HYDIN: variants seen among roughly 807,000 people sequenced by gnomAD.
HYDIN encodes axonemal central pair apparatus protein HYDIN.
Under a neutral mutation model 403.9 loss-of-function variants are expected in HYDIN, and 132 were observed. The ratio of observed to expected loss-of-function variants is 0.33; its 90% CI spans 0.28 to 0.38. HYDIN has a LOEUF of 0.38. Among genes scored for constraint, HYDIN ranks in the 10% least tolerant of loss-of-function variants. The pLI is 1.00. For synonymous variants in HYDIN, 1,202 were observed against 1,891.7 expected (o/e 0.64, Z 9.46); for missense variants, 2,827 against 5,009.5 (o/e 0.56, Z 13.15).
chr16:70,804,639 C>G lies in HYDIN; in HGVS notation c.*2941G>C, dbSNP rs188352701. Among the ~76,000 whole-genome samples the G allele has an allele frequency of 5.2e-3, 786 of 152,258 alleles. 6 individuals are homozygous for G. The highest frequency in any genetic ancestry group is 0.02 in the Middle Eastern group (6 of 294). On this transcript the variant is annotated 3_prime_UTR_variant, in exon 86 of 86. Coordinates refer to ENST00000393567, the MANE Select transcript of HYDIN (RefSeq NM_001270974.2). ...TCTCAAACGGAAAACTTAACGTTTC[C>G]TAATGTTCAAGTTGTTATCTCCAGA...
intron 15 of HYDIN, among the ~76,000 whole-genome samples, chr16:71,065,608 T>C (rs2082237686): frequency 6.6e-6 from 1 of 152,216 alleles, no homozygotes; most frequent in Non-Finnish European, 1.5e-5. Flanking sequence ...AGACTGACCT[T>C]ACTAAGTACA....
intron 5 of HYDIN, among the ~76,000 whole-genome samples, chr16:71,174,129 A>G (rs995139701): frequency 2.6e-5 from 4 of 152,220 alleles, no homozygotes; most frequent in Non-Finnish European, 5.9e-5. Flanking sequence ...TTATTTCAGT[A>G]GAACCTCAAA....
chr16:70,965,634 G>T (rs1452154767), intron 36 of HYDIN, among the ~76,000 whole-genome samples: 3 of 152,188 alleles, frequency 2.0e-5, no homozygotes, highest in African/African-American at 7.2e-5. Context: ...TCTACAACCT[G>T]ATTTATTGGT....
At chr16:71,163,403 G>A (rs1301000355) in intron 5 of HYDIN, among the ~76,000 whole-genome samples, 3 of 152,128 alleles carry the variant, frequency 2.0e-5, no homozygotes, top group African/African-American at 4.8e-5. Flanking sequence ...GATTACAGGC[G>A]TGAGCCACCG....
rs539763539 is a variant in HYDIN at position 70,990,373 on chromosome 16, C to CAACA, written c.3864+941_3864+944dup. On this transcript the variant is annotated intron_variant, in intron 25 of 85. Coordinates refer to ENST00000393567, the MANE Select transcript of HYDIN (RefSeq NM_001270974.2). Reference sequence around the variant, plus strand: ...TGGTACCACTTCACTCTGGCCTGGGCAACAGAGTGAGACTCTGCCTCAAAA... The same window carrying CAACA: ...TGGTACCACTTCACTCTGGCCTGGGCAACAAACAGAGTGAGACTCTGCCTCAAAA... 4.2e-4 allele frequency among the ~76,000 whole-genome samples: 43 copies of CAACA among 103,492 alleles called. 1 individual carries two copies. The South Asian group carries it at 0.018, about 43-fold the overall frequency. The allele number at this position is 103,492 out of a possible 152,430, so 67.9% of individuals were successfully genotyped here. A position where few individuals can be genotyped will look rare whatever the true frequency, so the allele number is the denominator to read the frequency against.
chr16:70,882,823 A>G lies in HYDIN; in HGVS notation c.10052T>C (p.Ile3351Thr), dbSNP rs781772930. The G allele has an allele frequency of 6.5e-7, 1 of 1,531,696 alleles. No homozygotes were observed. The highest frequency in any genetic ancestry group is 9.1e-7 in the Non-Finnish European group (1 of 1,104,940). 94.9% of individuals were successfully genotyped at this position (1,531,696 alleles called of 1,614,324 possible). The change falls in exon 60 of 86, where the codon ATC becomes ACC. Residue 3351 changes from isoleucine (I) to threonine (T), a missense_variant. Physicochemically the swap from Ile to Thr is moderately conservative, Grantham distance 89 (BLOSUM62 -1). Transcript: ENST00000393567. ...QICTSANLHH[I>T]LQTIESGGLF... is the part of the protein sequence containing the mutation. ...CCCCCCGCTCTCTATGGTCTGCAGG[A>G]TGTGGTGCAGGTTGGCACTGGTACA...
intron 28 of HYDIN, among the ~76,000 whole-genome samples, chr16:70,984,349 C>T (rs974151185): frequency 6.8e-6 from 1 of 147,414 alleles, no homozygotes; most frequent in Non-Finnish European, 1.5e-5. Flanking sequence ...TTGAGGTCTG[C>T]ACTCCAGTCT....
At chr16:70,831,644 G>A (rs975134794) in intron 80 of HYDIN, among the ~76,000 whole-genome samples, 1 of 141,072 alleles carries the variant, frequency 7.1e-6, no homozygotes, top group Non-Finnish European at 1.5e-5. Flanking sequence ...TTTGCAGGAG[G>A]AGGAACGGGT....
At chr16:71,216,835 G>A (rs2088905768) in intron 1 of HYDIN, among the ~76,000 whole-genome samples, 1 of 152,106 alleles carries the variant, frequency 6.6e-6, no homozygotes, top group South Asian at 2.1e-4. Context: ...CAAATAGGTC[G>A]CCTAAGTTTG....
At chr16:71,116,231 T>TTC (rs2084023934) in intron 9 of HYDIN, among the ~76,000 whole-genome samples, 1 of 19,890 alleles carries the variant, frequency 5.0e-5, no homozygotes, top group African/African-American at 1.6e-4. Flanking sequence ...GAGTTAGACC[T>TTC]TTTTTTTTTT....
chr16:70,926,571 C>T (rs1418482210), intron 45 of HYDIN, among the ~76,000 whole-genome samples: 1 of 151,762 alleles, frequency 6.6e-6, no homozygotes, highest in African/African-American at 2.4e-5. Flanking sequence ...TGTAACTAAC[C>T]TGCACATTGT....
intron 36 of HYDIN, 115 bp downstream of exon 36, chr16:70,970,405 A>G (rs2078699349): frequency 3.3e-6 from 2 of 608,090 alleles, no homozygotes; most frequent in East Asian, 5.5e-5. Context: ...ACTCAGGTCA[A>G]GGGAAGTAGG....
In HYDIN at chr16:71,135,978, G is replaced by A. The variant is rs184441946; in HGVS notation, c.1043+1173C>T. Among the ~76,000 whole-genome samples the A allele has an allele frequency of 3.3e-4, 50 of 152,074 alleles. 1 individual carries two copies. Among genetic ancestry groups the A allele is most frequent in the African/African-American group, 1.2e-3 (49 of 41,464 alleles). On this transcript the variant is annotated intron_variant, in intron 8 of 85. Coordinates refer to ENST00000393567, the MANE Select transcript of HYDIN (RefSeq NM_001270974.2). ...TAAGACTTTTATTTTTATCACATAC[G>A]AACTTGGTTTTAAACAAAGTTTGAA...
At chr16:71,017,350 C>T (rs1235996783) in intron 23 of HYDIN, among the ~76,000 whole-genome samples, 1 of 108,644 alleles carries the variant, frequency 9.2e-6, no homozygotes, top group African/African-American at 3.9e-5. Flanking sequence ...AACTCTGTCT[C>T]AAAAAAAAAA....
intron 24 of HYDIN, 81 bp downstream of exon 24, chr16:70,991,989 G>T: frequency 1.3e-6 from 2 of 1,597,958 alleles, no homozygotes; most frequent in Non-Finnish European, 8.5e-7. Context: ...ATGAACCAAT[G>T]AGGGATGAGT....
rs551874456 is a variant in HYDIN, at chr16:71,175,150, GACA to G, written c.516+454_516+456del. Among the ~76,000 whole-genome samples, 892 of 147,932 alleles carry G rather than the reference GACA, an allele frequency of 6.0e-3. 3 individuals are homozygous for G. Among genetic ancestry groups the G allele is most frequent in the Non-Finnish European group, 8.9e-3 (597 of 66,826 alleles). On this transcript the variant is annotated intron_variant, in intron 5 of 85. Coordinates refer to ENST00000393567, the MANE Select transcript of HYDIN (RefSeq NM_001270974.2). ...CATCACCACTACCACCACCATCAGTGACAACAATACCACCACCATCTACACCAC... is the reference window on the plus strand; with the variant it reads ...CATCACCACTACCACCACCATCAGTGACAATACCACCACCATCTACACCAC...
chr16:70,968,677 C>T (rs2078654521), intron 36 of HYDIN, among the ~76,000 whole-genome samples: 1 of 151,938 alleles, frequency 6.6e-6, no homozygotes, highest in Non-Finnish European at 1.5e-5. Context: ...CAGAAAAGGC[C>T]AGTTAAAACA....
intron 5 of HYDIN, among the ~76,000 whole-genome samples, chr16:71,172,476 A>G (rs186948142): frequency 4.6e-4 from 70 of 152,298 alleles, no homozygotes; most frequent in Admixed American, 1.2e-3. Context: ...ACAGTATATG[A>G]TAGGTACACT....
chr16:71,179,103 G>T, intron 3 of HYDIN, 56 bp from the exon 4 acceptor site: 2 of 1,455,594 alleles, frequency 1.4e-6, no homozygotes, highest in Admixed American at 1.9e-5. Flanking sequence ...AAATGACTGG[G>T]GAAGATAAGA....
Sources: gnomAD v4.1 joint callset for allele counts (sites outside exome capture counted in the v4.1 genomes callset) on GRCh38, gnomAD v4.1.1 for gene constraint, MANE v1.5 for transcripts, NCBI Gene and HGNC (gene_info 2026-07-23, HGNC 2026-07-21) for gene names.